TLL1: variants seen among roughly 807,000 people sequenced by gnomAD.
TLL1 encodes the protein tolloid like 1.
Under a neutral mutation model 128.2 loss-of-function variants are expected in TLL1, and 49 were observed. That is an observed-to-expected ratio of 0.38 (90% confidence interval 0.30 to 0.48). The LOEUF is 0.48. Among genes scored for constraint, TLL1 ranks in the 20% least tolerant of loss-of-function variants. TLL1 has a pLI of 0.96. For synonymous variants in TLL1, 454 were observed against 418.8 expected, an observed-to-expected ratio of 1.08 and a Z score of -1.03; for missense variants, 1,123 against 1,242.0, an observed-to-expected ratio of 0.90 and a Z score of 1.44.
Position 166,014,426 on chromosome 4 carries a change from T to G in TLL1, c.918-10T>G, listed in dbSNP as rs374285015. 3 of 1,611,256 alleles carry G rather than the reference T, an allele frequency of 1.9e-6. No individual in the cohort carries two copies. The East Asian group carries it at 6.7e-5, about 36-fold the overall frequency. On this transcript the variant is annotated splice_polypyrimidine_tract_variant and intron_variant, in intron 7 of 20. Transcript: ENST00000061240. Reference sequence around the variant, plus strand: ...TGACTTAGGTGTGGTTTGCTTCTGCTTTTTTTCAGGGGGATGTTTCTGGAT... The same window carrying G: ...TGACTTAGGTGTGGTTTGCTTCTGCGTTTTTTCAGGGGGATGTTTCTGGAT...
chr4:165,999,168 C>T (rs189491278), intron 5 of TLL1, among the ~76,000 whole-genome samples: 2 of 152,176 alleles, frequency 1.3e-5, no homozygotes, highest in Non-Finnish European at 2.9e-5. Flanking sequence ...GTACCAACCA[C>T]TGCCCGTTAC....
At chr4:165,914,465 G>A (rs1732689780) in intron 1 of TLL1, among the ~76,000 whole-genome samples, 2 of 152,186 alleles carry the variant, frequency 1.3e-5, no homozygotes, top group Non-Finnish European at 2.9e-5. Context: ...TTCTTCAGAT[G>A]GACAGAGATT....
intron 1 of TLL1, among the ~76,000 whole-genome samples, chr4:165,910,768 G>A (rs1406036845): frequency 6.6e-6 from 1 of 152,190 alleles, no homozygotes. Context: ...ATTAGTTAAT[G>A]TTGTTATAGC....
chr4:166,048,494 T>A (rs1739566642), intron 12 of TLL1, among the ~76,000 whole-genome samples: 2 of 152,210 alleles, frequency 1.3e-5, no homozygotes, highest in South Asian at 4.1e-4. Flanking sequence ...ACATTATTTT[T>A]TAAGACCAGT....
chr4:165,916,718 A>G (rs899256396), intron 1 of TLL1, among the ~76,000 whole-genome samples: 13 of 152,174 alleles, frequency 8.5e-5, no homozygotes, highest in African/African-American at 3.1e-4. Context: ...AAGGAAAGTG[A>G]TGCTCAGGGA....
At chr4:166,091,836 A>G (rs2111158891) in intron 19 of TLL1, among the ~76,000 whole-genome samples, 1 of 152,202 alleles carries the variant, frequency 6.6e-6, no homozygotes, top group Non-Finnish European at 1.5e-5. Flanking sequence ...GGTATGCAAC[A>G]TGATCTTTTG....
At chr4:166,005,234 A>G (rs1214840204) in intron 6 of TLL1, among the ~76,000 whole-genome samples, 12 of 152,012 alleles carry the variant, frequency 7.9e-5, no homozygotes. Context: ...TCAATTTAGC[A>G]TATCCTTGAA....
At chr4:165,973,936 G>C (rs1735748025) in intron 1 of TLL1, among the ~76,000 whole-genome samples, 1 of 152,044 alleles carries the variant, frequency 6.6e-6, no homozygotes, top group Non-Finnish European at 1.5e-5. Context: ...AAAGTGCTGG[G>C]ATTACAGGCA....
intron 8 of TLL1, among the ~76,000 whole-genome samples, chr4:166,024,366 C>A (rs1738391187): frequency 1.3e-5 from 2 of 152,084 alleles, no homozygotes; most frequent in South Asian, 4.1e-4. Context: ...GTAGCTAAGG[C>A]CTTGTAATAT....
intron 10 of TLL1, among the ~76,000 whole-genome samples, chr4:166,039,716 T>C (rs1739157806): frequency 6.6e-6 from 1 of 152,186 alleles, no homozygotes; most frequent in South Asian, 2.1e-4. Context: ...ATATTGTGCC[T>C]ATCATGAGTA....
At chr4:165,959,643 C>T (rs1010328574) in intron 1 of TLL1, among the ~76,000 whole-genome samples, 2 of 152,100 alleles carry the variant, frequency 1.3e-5, no homozygotes, top group Non-Finnish European at 2.9e-5. Context: ...ATCTAGCATA[C>T]TCTTGGACCA....
chr4:166,072,943 G>T (rs1740856955), intron 16 of TLL1, among the ~76,000 whole-genome samples: 1 of 151,886 alleles, frequency 6.6e-6, no homozygotes, highest in Admixed American at 6.6e-5. Context: ...ACAGTTGTTA[G>T]GTTTCCAAGC....
At chr4:166,082,495 C>T (rs1422304311) in intron 18 of TLL1, among the ~76,000 whole-genome samples, 1 of 151,986 alleles carries the variant, frequency 6.6e-6, no homozygotes, top group Non-Finnish European at 1.5e-5. Flanking sequence ...ACTATTATTG[C>T]GTATATCAGC....
intron 12 of TLL1, among the ~76,000 whole-genome samples, chr4:166,054,227 C>G (rs1031715399): frequency 6.6e-6 from 1 of 152,066 alleles, no homozygotes; most frequent in African/African-American, 2.4e-5. Flanking sequence ...ATATAGTAGT[C>G]TTTCTCTACA....
chr4:166,095,790 C>G (rs1226532981), intron 19 of TLL1, among the ~76,000 whole-genome samples: 1 of 152,070 alleles, frequency 6.6e-6, no homozygotes, highest in Non-Finnish European at 1.5e-5. Context: ...GCTTCATTTT[C>G]CATTTCTCAG....
chr4:165,917,679 A>G (rs895289242), intron 1 of TLL1, among the ~76,000 whole-genome samples: 12 of 152,180 alleles, frequency 7.9e-5, no homozygotes, highest in South Asian at 4.1e-4. Context: ...GTTTGCTCTT[A>G]CAGTTGTTTA....
In TLL1 at chr4:165,957,918, T is replaced by C. The variant is rs572971834; in HGVS notation, c.170-31463T>C. Among the ~76,000 whole-genome samples, 273 of 140,060 alleles carry C rather than the reference T, an allele frequency of 1.9e-3. 5 individuals carry two copies. Among genetic ancestry groups the C allele is most frequent in the Non-Finnish European group, 6.8e-4 (45 of 65,740 alleles). 91.9% of individuals were successfully genotyped at this position (140,060 alleles called of 152,430 possible). ...ATGTTCCCCTTCCTGTGTCCATGTG[T>C]TCTCATTGTTCAATTCCCATCTATG... On this transcript the variant is annotated intron_variant, in intron 1 of 20. Coordinates refer to ENST00000061240, the MANE Select transcript of TLL1 (RefSeq NM_012464.5).
At chr4:166,074,854 C>A (rs1304531963) in intron 16 of TLL1, 24 bp from the exon 17 acceptor site, 2 of 1,612,216 alleles carry the variant, frequency 1.2e-6, no homozygotes, top group Non-Finnish European at 1.7e-6. Flanking sequence ...ACTTACTAGA[C>A]TATGGGATTG....
intron 1 of TLL1, among the ~76,000 whole-genome samples, chr4:165,882,949 C>T (rs990454149): frequency 4.6e-5 from 7 of 151,916 alleles, no homozygotes; most frequent in Middle Eastern, 6.8e-3. Context: ...AAAGAAGATA[C>T]GTGTTCGAGG....
Sources: gnomAD v4.1 joint callset for allele counts (sites outside exome capture counted in the v4.1 genomes callset) on GRCh38, gnomAD v4.1.1 for gene constraint, MANE v1.5 for transcripts, NCBI Gene and HGNC (gene_info 2026-07-23, HGNC 2026-07-21) for gene names.